Variants in CDH12 observed in about 807,000 individuals in gnomAD.
CDH12 encodes cadherin-12.
In CDH12, 41 loss-of-function variants were observed where a neutral mutation model predicts 74.1. That is an observed-to-expected ratio of 0.55 (90% CI 0.43 to 0.72). The LOEUF is 0.72. Ranked by LOEUF, CDH12 falls within the 30% of genes least tolerant of loss-of-function variation. The pLI is 0.00. For synonymous variants in CDH12, 399 were observed against 355.0 expected (o/e 1.12, Z -1.39); for missense variants, 945 against 977.2 (o/e 0.97, Z 0.44).
At chr5:22,617,983 A>C (rs1737774443) in intron 1 of CDH12, among the ~76,000 whole-genome samples, 1 of 152,164 alleles carries the variant, frequency 6.6e-6, no homozygotes, top group Non-Finnish European at 1.5e-5. Flanking sequence ...TACATAAGAT[A>C]AATTATGCCC....
chr5:22,531,166 A>T (rs1737566078), intron 1 of CDH12, among the ~76,000 whole-genome samples: 1 of 152,158 alleles, frequency 6.6e-6, no homozygotes, highest in African/African-American at 2.4e-5. Context: ...CAATATGCTA[A>T]AGACAAATAA....
chr5:21,941,739 T>G (rs1156926825), intron 6 of CDH12, among the ~76,000 whole-genome samples: 1 of 152,170 alleles, frequency 6.6e-6, no homozygotes, highest in East Asian at 1.9e-4. Context: ...ATAGGAAGAC[T>G]CTCCATTTTG....
At chr5:21,991,661 C>T (rs1164608137) in intron 5 of CDH12, among the ~76,000 whole-genome samples, 1 of 150,886 alleles carries the variant, frequency 6.6e-6, no homozygotes, top group African/African-American at 2.4e-5. Context: ...TTGAAGGTGA[C>T]CTATTTTTTG....
At chr5:22,821,487 C>A (rs1581034237) in intron 1 of CDH12, among the ~76,000 whole-genome samples, 1 of 152,118 alleles carries the variant, frequency 6.6e-6, no homozygotes, top group Non-Finnish European at 1.5e-5. Context: ...TAGAAAACCC[C>A]ATTGTCTCAG....
chr5:22,144,517 C>A (rs1482847751), intron 4 of CDH12, among the ~76,000 whole-genome samples: 1 of 152,208 alleles, frequency 6.6e-6, no homozygotes, highest in Admixed American at 6.5e-5. Flanking sequence ...CAATGCCTCA[C>A]AGTCAAAATT....
chr5:22,427,369 C>T (rs1415783697), intron 2 of CDH12, among the ~76,000 whole-genome samples: 1 of 151,894 alleles, frequency 6.6e-6, no homozygotes, highest in Non-Finnish European at 1.5e-5. Context: ...GGTTTCACCA[C>T]GTTGGCCAGG....
At chr5:22,119,285 GTTTTTTT>G (rs397996987) in intron 4 of CDH12, among the ~76,000 whole-genome samples, 1 of 99,034 alleles carries the variant, frequency 1.0e-5, no homozygotes, top group Non-Finnish European at 2.0e-5. Flanking sequence ...CTTCTACTTC[GTTTTTTT>G]TTTTTTTTTT....
chr5:22,481,481 G>A (rs919821441), intron 2 of CDH12, among the ~76,000 whole-genome samples: 2 of 152,156 alleles, frequency 1.3e-5, no homozygotes, highest in Non-Finnish European at 2.9e-5. Context: ...TGAATTGATA[G>A]AGAAAATGTG....
intron 3 of CDH12, among the ~76,000 whole-genome samples, chr5:22,361,023 A>G (rs1740780314): frequency 6.6e-6 from 1 of 152,202 alleles, no homozygotes; most frequent in Admixed American, 6.5e-5. Context: ...CTGGCAAAAG[A>G]CAGGGATGCC....
At chr5:22,544,657 A>T (rs1271514269) in intron 1 of CDH12, among the ~76,000 whole-genome samples, 1 of 152,084 alleles carries the variant, frequency 6.6e-6, no homozygotes, top group Non-Finnish European at 1.5e-5. Context: ...CTCTACAAAA[A>T]AATACAAAAA....
chr5:22,561,946 A>C (rs1216918915), intron 1 of CDH12, among the ~76,000 whole-genome samples: 1 of 152,188 alleles, frequency 6.6e-6, no homozygotes, highest in African/African-American at 2.4e-5. Context: ...TTCTTATTGA[A>C]GATAATTAAG....
At position 21,854,861 on chromosome 5, in the gene CDH12, G is replaced by A. The variant is rs1579840872; in HGVS notation, c.527-71C>T. On this transcript the variant is annotated intron_variant, in intron 6 of 14. Transcript: ENST00000382254. ...TTCAAGGTCATGACTCTTATCTGCTGGACTCGATTTTCCTTTGGTATTTGA... is the reference window on the plus strand; with the variant it reads ...TTCAAGGTCATGACTCTTATCTGCTAGACTCGATTTTCCTTTGGTATTTGA... The A allele has an allele frequency of 4.9e-6, 7 of 1,427,030 alleles. 1 individual carries two copies. In the East Asian group the frequency reaches 1.6e-4, roughly 33 times the overall value. 88.4% of individuals were successfully genotyped at this position (1,427,030 alleles called of 1,614,324 possible).
At chr5:22,496,667 T>C (rs1747113736) in intron 2 of CDH12, among the ~76,000 whole-genome samples, 1 of 152,182 alleles carries the variant, frequency 6.6e-6, no homozygotes. Flanking sequence ...ACATAAACAA[T>C]GGAATCCACG....
intron 1 of CDH12, among the ~76,000 whole-genome samples, chr5:22,658,450 T>C (rs1452265193): frequency 6.6e-6 from 1 of 152,154 alleles, no homozygotes; most frequent in Non-Finnish European, 1.5e-5. Context: ...AAAGTTGATC[T>C]ATTATAGATA....
intron 4 of CDH12, among the ~76,000 whole-genome samples, chr5:22,124,978 A>C (rs1405354248): frequency 6.6e-6 from 1 of 152,230 alleles, no homozygotes; most frequent in Non-Finnish European, 1.5e-5. Flanking sequence ...CAAAAGGCAA[A>C]ATAATTGCAT....
intron 6 of CDH12, among the ~76,000 whole-genome samples, chr5:21,860,240 C>G (rs188000954): frequency 6.6e-6 from 1 of 151,934 alleles, no homozygotes; most frequent in East Asian, 1.9e-4. Flanking sequence ...TCATGTGACA[C>G]AAGATTTATT....
intron 11 of CDH12, among the ~76,000 whole-genome samples, chr5:21,767,207 A>G (rs371608937): frequency 6.6e-6 from 1 of 151,760 alleles, no homozygotes; most frequent in Admixed American, 6.6e-5. Context: ...TGAAAATGAG[A>G]ATGTCTTTTT....
At chr5:22,235,629 A>G (rs1289929801) in intron 3 of CDH12, among the ~76,000 whole-genome samples, 1 of 152,116 alleles carries the variant, frequency 6.6e-6, no homozygotes, top group African/African-American at 2.4e-5. Context: ...CTTATATAAT[A>G]TTCCTTCAGA....
chr5:21,841,322 C>T (rs199761492), intron 8 of CDH12, among the ~76,000 whole-genome samples: 3,038 of 152,142 alleles, frequency 0.02, 66 homozygotes, highest in African/African-American at 0.057. Flanking sequence ...CGTCTCACAC[C>T]AGTTAGAATG....
Sources: gnomAD v4.1 joint callset for allele counts (sites outside exome capture counted in the v4.1 genomes callset) on GRCh38, gnomAD v4.1.1 for gene constraint, MANE v1.5 for transcripts, NCBI Gene and HGNC (gene_info 2026-07-23, HGNC 2026-07-21) for gene names.